CHN2: variants seen among roughly 807,000 people sequenced by gnomAD.
CHN2 encodes chimerin 2.
In CHN2, 35 loss-of-function variants were observed where a neutral mutation model predicts 56.3. The ratio of observed to expected loss-of-function variants is 0.62; its 90% CI spans 0.47 to 0.82. The LOEUF (loss-of-function observed/expected upper bound fraction) is 0.82, where lower values mean the gene tolerates loss of function less well. Among genes scored for constraint, CHN2 ranks in the 40% least tolerant of loss-of-function variants. The probability of loss-of-function intolerance (pLI) is 0.00; values close to 1 mark genes in which losing one functional copy is unlikely to be tolerated. For missense variants in CHN2, 491 were observed against 580.5 expected, an observed-to-expected ratio of 0.85 and a Z score of 1.58; for synonymous variants, 210 against 212.8, an observed-to-expected ratio of 0.99 and a Z score of 0.12.
At chr7:29,350,503 A>G (rs1211662428) in intron 1 of CHN2, among the ~76,000 whole-genome samples, 1 of 152,142 alleles carries the variant, frequency 6.6e-6, no homozygotes, top group Non-Finnish European at 1.5e-5. Context: ...TCTAAGGCCA[A>G]GGTAATTATA....
chr7:29,400,734 T>C lies in CHN2; in HGVS notation c.482T>C (p.Leu161Pro), dbSNP rs765578215. Residue 161 changes from leucine (L) to proline (P), a missense_variant, in exon 6 of 13, where the codon CTA becomes CCA. Leu to Pro is a moderately conservative substitution (Grantham distance 98). Transcript: ENST00000222792. Reference protein sequence around the residue: ...PIYEHIGYATLLREKVSRRLS... With the variant: ...PIYEHIGYATPLREKVSRRLS... Reference sequence around the variant, plus strand: ...TATGAACACATTGGATATGCCACCCTACTCAGAGAAAAAGTATCCAGAAGG... The same window carrying C: ...TATGAACACATTGGATATGCCACCCCACTCAGAGAAAAAGTATCCAGAAGG... 5 of 1,614,134 alleles carry C rather than the reference T, an allele frequency of 3.1e-6. No individual in the cohort carries two copies. Among genetic ancestry groups the C allele is most frequent in the Non-Finnish European group, 4.2e-6 (5 of 1,180,008 alleles).
At chr7:29,259,038 A>G (rs1166923002) in intron 1 of CHN2, among the ~76,000 whole-genome samples, 2 of 152,026 alleles carry the variant, frequency 1.3e-5, no homozygotes, top group African/African-American at 4.8e-5. Flanking sequence ...AAAAAAAAAA[A>G]AAGAATGGGC....
chr7:29,156,157 G>C (rs1028486355), intron 2 of CHN2, among the ~76,000 whole-genome samples: 1 of 152,158 alleles, frequency 6.6e-6, no homozygotes, highest in Non-Finnish European at 1.5e-5. Context: ...TGAGTTTTTT[G>C]ACATTCAGGT....
At chr7:29,228,492 A>G (rs987918318) in intron 1 of CHN2, among the ~76,000 whole-genome samples, 13 of 152,214 alleles carry the variant, frequency 8.5e-5, no homozygotes, top group Non-Finnish European at 1.8e-4. Context: ...AACTCCCCTC[A>G]CAATGAATTT....
intron 2 of CHN2, among the ~76,000 whole-genome samples, chr7:29,177,189 T>C (rs1311588851): frequency 6.6e-6 from 1 of 152,200 alleles, no homozygotes; most frequent in East Asian, 1.9e-4. Flanking sequence ...TAAAGTAATT[T>C]ATACCTATAT....
chr7:29,221,079 CAACA>C (rs1785756888), intron 1 of CHN2, among the ~76,000 whole-genome samples: 1 of 152,086 alleles, frequency 6.6e-6, no homozygotes, highest in Non-Finnish European at 1.5e-5. Flanking sequence ...TAAAAATTCT[CAACA>C]AACTAATAGA....
intron 1 of CHN2, among the ~76,000 whole-genome samples, chr7:29,343,677 C>T (rs1000503873): frequency 4.6e-5 from 7 of 152,026 alleles, no homozygotes; most frequent in Admixed American, 3.3e-4. Flanking sequence ...TCTCTCCTAT[C>T]GCTCTGGTCT....
rs546530873 is a variant in CHN2, at chr7:29,151,224, T to C, written c.274+4264T>C. Among the ~76,000 whole-genome samples, 6 of 152,324 alleles carry C rather than the reference T, an allele frequency of 3.9e-5. No homozygotes were observed. The East Asian group carries it at 1.2e-3, about 29-fold the overall frequency. On this transcript the variant is annotated intron_variant, in intron 2 of 6. Transcript: ENST00000439384. ...ATGGTAATTATTTCTAATAAGTGCTTCCACTCTTAGCATGATTATCCTTCC... is the reference window on the plus strand; with the variant it reads ...ATGGTAATTATTTCTAATAAGTGCTCCCACTCTTAGCATGATTATCCTTCC...
At chr7:29,302,752 A>T (rs1793794046) in intron 1 of CHN2, among the ~76,000 whole-genome samples, 1 of 152,154 alleles carries the variant, frequency 6.6e-6, no homozygotes, top group African/African-American at 2.4e-5. Context: ...ATTAAACAAT[A>T]ACTCTCTATT....
intron 6 of CHN2, among the ~76,000 whole-genome samples, chr7:29,461,411 C>A (rs1409740829): frequency 6.6e-6 from 1 of 152,116 alleles, no homozygotes; most frequent in Non-Finnish European, 1.5e-5. Context: ...CTAGGAAGGT[C>A]CAAGTTGTTA....
chr7:29,466,408 A>T (rs1447661954), intron 6 of CHN2, among the ~76,000 whole-genome samples: 2 of 152,202 alleles, frequency 1.3e-5, no homozygotes, highest in African/African-American at 4.8e-5. Context: ...AAATAATAAT[A>T]TATATGATTA....
intron 1 of CHN2, among the ~76,000 whole-genome samples, chr7:29,266,493 G>T (rs142607921): frequency 6.6e-5 from 10 of 152,178 alleles, no homozygotes; most frequent in Non-Finnish European, 8.8e-5. Flanking sequence ...CTAATGTGTC[G>T]CAAGATGGTG....
chr7:29,342,535 GAC>G (rs892243881), intron 1 of CHN2, among the ~76,000 whole-genome samples: 26 of 152,190 alleles, frequency 1.7e-4, no homozygotes, highest in African/African-American at 6.3e-4. Context: ...TATCTGAAGA[GAC>G]ACAAATGCCC....
At chr7:29,259,326 CA>C (rs61063244) in intron 1 of CHN2, among the ~76,000 whole-genome samples, 1 of 147,072 alleles carries the variant, frequency 6.8e-6, no homozygotes. Context: ...GACCTTGTCT[CA>C]AAAAAAAAAC....
chr7:29,452,186 G>T (rs966140708), intron 6 of CHN2, among the ~76,000 whole-genome samples: 2 of 152,210 alleles, frequency 1.3e-5, no homozygotes, highest in Admixed American at 1.3e-4. Flanking sequence ...AAGGCCGTTT[G>T]GATCCAACTT....
chr7:29,186,336 A>G (rs1798706810), intron 2 of CHN2: 1 of 152,212 alleles, frequency 6.6e-6, no homozygotes, highest in Admixed American at 6.5e-5. Context: ...CTGTACCAGC[A>G]CTTTGGGAGG....
intron 1 of CHN2, among the ~76,000 whole-genome samples, chr7:29,283,220 G>A (rs1383217091): frequency 2.6e-5 from 4 of 152,186 alleles, no homozygotes; most frequent in Non-Finnish European, 5.9e-5. Flanking sequence ...ACTGTTCTGA[G>A]TGCTTTGTGT....
intron 10 of CHN2, among the ~76,000 whole-genome samples, chr7:29,506,247 T>A (rs1186908851): frequency 6.6e-6 from 1 of 152,138 alleles, no homozygotes; most frequent in Non-Finnish European, 1.5e-5. Context: ...AAAACTTCTG[T>A]GCTGATCCTT....
At chr7:29,447,704 GAT>G (rs1354727514) in intron 6 of CHN2, among the ~76,000 whole-genome samples, 1 of 152,106 alleles carries the variant, frequency 6.6e-6, no homozygotes, top group Non-Finnish European at 1.5e-5. Flanking sequence ...TGGTGAGAGG[GAT>G]ATGTTAATTT....
Sources: allele counts gnomAD v4.1 joint callset (sites outside exome capture counted in the v4.1 genomes callset), GRCh38; gene constraint gnomAD v4.1.1; transcripts MANE v1.5; gene names NCBI Gene and HGNC (gene_info 2026-07-23, HGNC 2026-07-21).